EFCAB12: variants seen among roughly 807,000 people sequenced by gnomAD.
EFCAB12 encodes the protein EF-hand calcium binding domain 12.
In EFCAB12, 43 loss-of-function variants were observed where a neutral mutation model predicts 53.6. The observed-to-expected ratio is 0.80, with a 90% confidence interval of 0.63 to 1.03. The LOEUF (loss-of-function observed/expected upper bound fraction) is 1.03, where lower values mean the gene tolerates loss of function less well. EFCAB12 is among the 50% of genes least tolerant of loss of function. The pLI is 0.00. For missense variants in EFCAB12, 646 were observed against 730.6 expected (o/e 0.88, Z 1.34); for synonymous variants, 269 against 289.2 (o/e 0.93, Z 0.71).
intron 6 of EFCAB12, 30 bp from the exon 7 acceptor site, chr3:129,404,433 C>T (rs1478066025): frequency 6.3e-7 from 1 of 1,578,492 alleles, no homozygotes; most frequent in South Asian, 1.2e-5. Context: ...CATCTGCACC[C>T]ATCAACCCAG....
rs373478645 is a variant in EFCAB12, at chr3:129,421,684, G to A, written c.169C>T (p.Arg57Trp). 81 of 1,613,740 alleles carry A rather than the reference G, an allele frequency of 5.0e-5. No individual in the cohort carries two copies. Among genetic ancestry groups the A allele is most frequent in the East Asian group, 6.7e-5 (3 of 44,888 alleles). Residue 57 changes from arginine (R) to tryptophan (W), a missense_variant, in exon 2 of 9, where the codon CGG (arginine) becomes TGG (tryptophan). Physicochemically the swap from Arg to Trp is moderately radical, Grantham distance 101. Coordinates refer to ENST00000505956, the MANE Select transcript of EFCAB12 (RefSeq NM_207307.3). ...QKDFRLPQTR[R>W]RIIMVPRKED... ...TTGCGAGGCACCATGATGATTCGCC[G>A]GCGGGTCTGAGGCAGGCGGAAGTCC...
rs1196903501 is a variant in EFCAB12 at position 129,404,158 on chromosome 3, G to A, written c.1403+92C>T. ...GATGCAGACGCAAGCACAGCATGGCGCCCCAGGTACTCCAGCCTCCAGCCC... is the reference window on the plus strand; with the variant it reads ...GATGCAGACGCAAGCACAGCATGGCACCCCAGGTACTCCAGCCTCCAGCCC... On this transcript the variant is annotated intron_variant, in intron 7 of 8. Transcript: ENST00000505956. 17 of 1,503,684 alleles carry A rather than the reference G, an allele frequency of 1.1e-5. No individual in the cohort carries two copies. In the East Asian group the frequency reaches 1.4e-4, roughly 12 times the overall value. 93.1% of individuals were successfully genotyped at this position (1,503,684 alleles called of 1,614,324 possible).
At chr3:129,411,508 AAGCTGTACCTT>A in intron 4 of EFCAB12, 154 bp from the exon 5 acceptor site, 1 of 666,900 alleles carries the variant, frequency 1.5e-6, no homozygotes, top group Non-Finnish European at 2.4e-6. Context: ...TAAGCCACCT[AAGCTGTACCTT>A]AGATGTGGCC....
At chr3:129,424,016 G>A (rs1447497070) in intron 1 of EFCAB12, among the ~76,000 whole-genome samples, 1 of 152,120 alleles carries the variant, frequency 6.6e-6, no homozygotes, top group Non-Finnish European at 1.5e-5. Flanking sequence ...TGGGCCCTCT[G>A]GGTCCCATAG....
intron 3 of EFCAB12, among the ~76,000 whole-genome samples, chr3:129,417,596 C>A (rs1254118469): frequency 6.6e-6 from 1 of 152,196 alleles, no homozygotes; most frequent in Non-Finnish European, 1.5e-5. Context: ...TAGGCCGATA[C>A]AACTTTCCAT....
In EFCAB12 at chr3:129,401,631, C is replaced by A; in HGVS notation, c.1681G>T (p.Ala561Ser). The A allele has an allele frequency of 6.3e-7, 1 of 1,575,248 alleles. No homozygotes were observed. Among genetic ancestry groups the A allele is most frequent in the Non-Finnish European group, 8.6e-7 (1 of 1,159,318 alleles). Residue 561 changes from alanine to serine, a missense_variant, in exon 9 of 9, where the codon GCC becomes TCC. Coordinates refer to ENST00000505956, the MANE Select transcript of EFCAB12 (RefSeq NM_207307.3). ...PLRNKNYMTH[A>S]HYDAAKVYYI... ...TACACCTTGGCGGCATCATAATGGG[C>A]GTGGGTCATGTAGTTCTTGTTCCTA...
At chr3:129,403,845 G>C (rs548036864) in intron 7 of EFCAB12, 1 of 156,408 alleles carries the variant, frequency 6.4e-6, no homozygotes, top group African/African-American at 2.4e-5. Context: ...CCAGAGAAGG[G>C]GTGTGGCCGC....
intron 4 of EFCAB12, chr3:129,412,909 A>C (rs1434039258): frequency 3.9e-5 from 6 of 152,270 alleles, no homozygotes; most frequent in Non-Finnish European, 7.3e-5. Context: ...CTCAACAAAG[A>C]TTCCAATGAA....
intron 1 of EFCAB12, among the ~76,000 whole-genome samples, chr3:129,428,084 T>C (rs531636011): frequency 4.6e-5 from 7 of 152,290 alleles, no homozygotes; most frequent in Non-Finnish European, 1.0e-4. Flanking sequence ...ATCTCTGTCC[T>C]TTACCCGTGA....
chr3:129,408,323 C>T (rs75640888), intron 6 of EFCAB12, among the ~76,000 whole-genome samples: 7,253 of 152,304 alleles, frequency 0.048, 214 homozygotes, highest in Middle Eastern at 0.11. Flanking sequence ...GGCTTTCTCA[C>T]TTGGAACTCC....
Position 129,402,562 on chromosome 3 carries a change from CT to C in EFCAB12, c.1420del (p.Ser474AlafsTer16). The C allele has an allele frequency of 6.2e-7, 1 of 1,612,890 alleles. No homozygotes were observed. The highest frequency in any genetic ancestry group is 1.1e-5 in the South Asian group (1 of 90,822). On this transcript the variant is annotated frameshift_variant, in exon 8 of 9. Transcript: ENST00000505956. LOFTEE classifies it low-confidence loss of function (END_TRUNC). ...KRTDKKTPKK[S>X]KKMRFKEFEE... Reference sequence around the variant, plus strand: ...AAACTCCTTAAAGCGCATTTTCTTGCTTTTCTTTGGCGTTTTCCTAGTGGAG... The same window carrying C: ...AAACTCCTTAAAGCGCATTTTCTTGCTTTCTTTGGCGTTTTCCTAGTGGAG...
At chr3:129,404,082 C>T (rs1052267377) in intron 7 of EFCAB12, 168 bp downstream of exon 7, 27 of 825,006 alleles carry the variant, frequency 3.3e-5, no homozygotes, top group Middle Eastern at 3.4e-4. Context: ...AAGGGTGACC[C>T]GGGACTGGCC....
intron 3 of EFCAB12, 135 bp from the exon 4 acceptor site, chr3:129,415,536 A>G (rs777770868): frequency 4.6e-5 from 50 of 1,097,020 alleles, no homozygotes; most frequent in Admixed American, 5.7e-5. Flanking sequence ...ACTATACCCA[A>G]GGTCCCTGCT....
Position 129,402,440 on chromosome 3 carries a change from G to A in EFCAB12, c.1460+83C>T. The A allele has an allele frequency of 3.5e-6, 5 of 1,441,324 alleles. No individual in the cohort carries two copies. The South Asian group carries it at 6.1e-5, about 17-fold the overall frequency. 89.3% of individuals were successfully genotyped at this position (1,441,324 alleles called of 1,614,324 possible). A position where few individuals can be genotyped will look rare whatever the true frequency, so the allele number is the denominator to read the frequency against. ...CACCGAGCCCCAGCTGTTGTGCCAG[G>A]AGTGCAGAGTCCCAGTTGTCTCAGG... is the stretch of plus-strand genomic sequence containing the variant. On this transcript the variant is annotated intron_variant, in intron 8 of 8. Transcript: ENST00000505956.
intron 6 of EFCAB12, among the ~76,000 whole-genome samples, chr3:129,406,048 T>TA (rs528836223): frequency 0.026 from 3,625 of 137,670 alleles, 131 homozygotes; most frequent in African/African-American, 0.082. Context: ...CCCCATCTCT[T>TA]AAAAAAAAAA....
rs753044323 is a variant in EFCAB12 at position 129,404,331 on chromosome 3, T to C, written c.1322A>G (p.Tyr441Cys). 22 of 1,613,732 alleles carry C rather than the reference T, an allele frequency of 1.4e-5. No individual in the cohort carries two copies. Among genetic ancestry groups the C allele is most frequent in the South Asian group, 7.7e-5 (7 of 91,074 alleles). ...AGAAAAGACCTTCCAGTCAGAGTAG[T>C]AGCCTCCCGGCTGCCGGATGGGGCA... ...KVCPIRQPGGYYSDWKVFSPN... is the reference protein window; with the variant it reads ...KVCPIRQPGGCYSDWKVFSPN... The change falls in exon 7 of 9, where the codon TAC (tyrosine) becomes TGC (cysteine). Residue 441 changes from tyrosine to cysteine, a missense_variant. By Grantham distance (194) the Tyr-to-Cys change is radical. Transcript: ENST00000505956.
intron 1 of EFCAB12, among the ~76,000 whole-genome samples, chr3:129,422,888 G>A (rs2072207106): frequency 1.3e-5 from 2 of 152,064 alleles, no homozygotes; most frequent in Admixed American, 6.6e-5. Context: ...GAGACCCCTG[G>A]TGCAATTATT....
intron 6 of EFCAB12, among the ~76,000 whole-genome samples, chr3:129,406,123 A>C (rs1164974716): frequency 6.6e-6 from 1 of 152,012 alleles, no homozygotes; most frequent in Non-Finnish European, 1.5e-5. Context: ...CCTAACCCAG[A>C]GGAGCAGTCC....
chr3:129,418,269 G>C lies in EFCAB12; in HGVS notation c.666C>G (p.Ile222Met), dbSNP rs749097740. Residue 222 changes from isoleucine (I) to methionine (M), a missense_variant, in exon 3 of 9, where the codon ATC becomes ATG. Physicochemically the swap from Ile to Met is conservative, Grantham distance 10. Coordinates refer to ENST00000505956, the MANE Select transcript of EFCAB12 (RefSeq NM_207307.3). Reference sequence around the variant, plus strand: ...TGGCACTTACTGCCTTTACAGCCGCGATGAACTCCTCCCTGGTGATTCTCT... The same window carrying C: ...TGGCACTTACTGCCTTTACAGCCGCCATGAACTCCTCCCTGGTGATTCTCT... ...ENQRITREEF[I>M]AAVKAVGVPL... 4 of 1,611,020 alleles carry C rather than the reference G, an allele frequency of 2.5e-6. No individual in the cohort carries two copies. Among genetic ancestry groups the C allele is most frequent in the South Asian group, 2.2e-5 (2 of 90,646 alleles).
Sources: allele counts gnomAD v4.1 joint callset (sites outside exome capture counted in the v4.1 genomes callset), GRCh38; gene constraint gnomAD v4.1.1; transcripts MANE v1.5; gene names NCBI Gene and HGNC (gene_info 2026-07-23, HGNC 2026-07-21).